The following KIRREL1 variants were observed in gnomAD, a reference collection of about 807,000 sequenced individuals.
KIRREL1 encodes the protein kin of IRRE-like protein 1.
Under a neutral mutation model 83.3 loss-of-function variants are expected in KIRREL1, and 25 were observed. The observed-to-expected ratio is 0.30, with a 90% confidence interval of 0.22 to 0.42. The LOEUF (loss-of-function observed/expected upper bound fraction) is 0.42, where lower values mean the gene tolerates loss of function less well. Ranked by LOEUF, KIRREL1 falls within the 10% of genes least tolerant of loss-of-function variation. KIRREL1 has a pLI of 1.00. For synonymous variants in KIRREL1, 388 were observed against 410.4 expected, an observed-to-expected ratio of 0.95 and a Z score of 0.66; for missense variants, 812 against 1,032.3, an observed-to-expected ratio of 0.79 and a Z score of 2.92.
intron 1 of KIRREL1, among the ~76,000 whole-genome samples, chr1:158,073,028 G>A (rs575362062): frequency 2.0e-4 from 31 of 152,268 alleles, no homozygotes; most frequent in African/African-American, 7.2e-4. Context: ...CTTGGTGAAG[G>A]GAGACTTGGG....
chr1:158,048,431 A>T (rs1344164844), intron 1 of KIRREL1, among the ~76,000 whole-genome samples: 2 of 152,188 alleles, frequency 1.3e-5, no homozygotes, highest in African/African-American at 2.4e-5. Context: ...GAAGGAAAGG[A>T]GGAGAGAAAC....
chr1:158,058,567 G>A (rs916192404), intron 1 of KIRREL1, among the ~76,000 whole-genome samples: 13 of 152,102 alleles, frequency 8.5e-5, no homozygotes, highest in Admixed American at 7.9e-4. Context: ...TCTCACCCAG[G>A]GTTAGGAATT....
chr1:158,029,450 ATAT>A (rs1028846070), intron 1 of KIRREL1, among the ~76,000 whole-genome samples: 7 of 152,126 alleles, frequency 4.6e-5, no homozygotes, highest in African/African-American at 1.4e-4. Flanking sequence ...TAATTTTAAA[ATAT>A]TATTCTTCAG....
chr1:158,044,547 G>A (rs1660722794), intron 1 of KIRREL1, among the ~76,000 whole-genome samples: 3 of 152,172 alleles, frequency 2.0e-5, no homozygotes, highest in Non-Finnish European at 4.4e-5. Flanking sequence ...CACCCAGGCT[G>A]GAGTGCAGTG....
rs145575732 is a variant in KIRREL1 at position 158,095,642 on chromosome 1, G to A, written c.*522G>A. 2.0e-5 allele frequency: 3 copies of A among 153,210 alleles called. No homozygotes were observed. Among genetic ancestry groups the A allele is most frequent in the Non-Finnish European group, 4.4e-5 (3 of 68,930 alleles). 9.5% of individuals were successfully genotyped at this position (153,210 alleles called of 1,614,324 possible). A position where few individuals can be genotyped will look rare whatever the true frequency, so the allele number is the denominator to read the frequency against. On this transcript the variant is annotated 3_prime_UTR_variant, in exon 15 of 15. Transcript: ENST00000359209. Reference sequence around the variant, plus strand: ...TCCTTCCTCAGGGTACTGCAGAAGGGAGCGAACAGGGTACTGTTCGCTCTT... The same window carrying A: ...TCCTTCCTCAGGGTACTGCAGAAGGAAGCGAACAGGGTACTGTTCGCTCTT...
At chr1:158,021,819 C>T (rs1660010586) in intron 1 of KIRREL1, among the ~76,000 whole-genome samples, 1 of 152,084 alleles carries the variant, frequency 6.6e-6, no homozygotes, top group African/African-American at 2.4e-5. Flanking sequence ...AAAATTGTGC[C>T]TATACTTATC....
intron 2 of KIRREL1, 95 bp from the exon 3 acceptor site, chr1:158,077,896 G>A (rs1661730152): frequency 2.2e-6 from 3 of 1,392,678 alleles, no homozygotes; most frequent in African/African-American, 2.8e-5. Context: ...TGTCAGTGGT[G>A]TCCCAGGAGA....
intron 1 of KIRREL1, among the ~76,000 whole-genome samples, chr1:157,995,474 G>A (rs1659167355): frequency 6.6e-6 from 1 of 152,008 alleles, no homozygotes; most frequent in African/African-American, 2.4e-5. Context: ...GAGGAAGGGG[G>A]TGGGCCATGG....
At chr1:158,006,776 C>T (rs2777819) in intron 1 of KIRREL1, among the ~76,000 whole-genome samples, 56,462 of 152,154 alleles carry the variant, frequency 0.37, 11,200 homozygotes, top group South Asian at 0.53. Flanking sequence ...CCTCTCTCCA[C>T]GGGAGCCAGG....
chr1:158,083,471 G>C (rs953951468), intron 3 of KIRREL1, among the ~76,000 whole-genome samples: 1 of 152,240 alleles, frequency 6.6e-6, no homozygotes. Context: ...CATATGGAAA[G>C]CACTGCAATG....
chr1:158,013,931 A>T (rs1659755172), intron 1 of KIRREL1, among the ~76,000 whole-genome samples: 1 of 152,144 alleles, frequency 6.6e-6, no homozygotes, highest in Non-Finnish European at 1.5e-5. Context: ...TGCTCCTGGG[A>T]CTGTCAGCAG....
intron 11 of KIRREL1, among the ~76,000 whole-genome samples, chr1:158,091,871 A>G (rs982279872): frequency 6.6e-6 from 1 of 152,334 alleles, no homozygotes; most frequent in Non-Finnish European, 1.5e-5. Context: ...AGCATTTGCT[A>G]TGTGCCAGGC....
At chr1:158,083,010 C>G (rs755520413) in intron 3 of KIRREL1, among the ~76,000 whole-genome samples, 5 of 152,142 alleles carry the variant, frequency 3.3e-5, no homozygotes, top group Non-Finnish European at 5.9e-5. Context: ...TATCCCTGAG[C>G]ACCTGTGATC....
At chr1:158,036,308 T>C (rs1269498988) in intron 1 of KIRREL1, among the ~76,000 whole-genome samples, 1 of 152,188 alleles carries the variant, frequency 6.6e-6, no homozygotes, top group Non-Finnish European at 1.5e-5. Flanking sequence ...GCAACGAACT[T>C]GTAGCACCAA....
At chr1:158,057,673 G>A (rs1478214382) in intron 1 of KIRREL1, among the ~76,000 whole-genome samples, 1 of 152,186 alleles carries the variant, frequency 6.6e-6, no homozygotes, top group African/African-American at 2.4e-5. Context: ...CCACTCAAAA[G>A]GCAGTTGCTC....
chr1:158,042,214 T>C (rs1450203113), intron 1 of KIRREL1, among the ~76,000 whole-genome samples: 1 of 22,460 alleles, frequency 4.5e-5, no homozygotes, highest in Admixed American at 6.9e-4. Flanking sequence ...TTCTCCAGGG[T>C]GTGTGTGTGT....
At chr1:158,062,480 G>T (rs945354674) in intron 1 of KIRREL1, among the ~76,000 whole-genome samples, 1 of 152,208 alleles carries the variant, frequency 6.6e-6, no homozygotes, top group Non-Finnish European at 1.5e-5. Context: ...TTTACTTTAC[G>T]CAGAATTGAT....
Position 158,093,427 on chromosome 1 carries a change from C to G in KIRREL1, c.1560C>G (p.Leu520=). Residue 520 remains leucine, a synonymous_variant, in exon 12 of 15, where the codon CTC becomes CTG. Coordinates refer to ENST00000359209, the MANE Select transcript of KIRREL1 (RefSeq NM_018240.7). ...IFFFIALVFF[L]YRRRKGSRKD... ...TCTTCATCGCCTTGGTATTCTTCCT[C>G]TACCGGCGCCGCAAAGGCAGTGAGT... 1.2e-6 allele frequency: 2 copies of G among 1,614,200 alleles called. No homozygotes were observed. Among genetic ancestry groups the G allele is most frequent in the Non-Finnish European group, 1.7e-6 (2 of 1,180,026 alleles).
intron 1 of KIRREL1, among the ~76,000 whole-genome samples, chr1:157,996,277 C>T (rs1359415449): frequency 6.6e-6 from 1 of 152,072 alleles, no homozygotes; most frequent in Non-Finnish European, 1.5e-5. Flanking sequence ...ATCCTTCCCC[C>T]CGTTTCCATC....
Sources: gnomAD v4.1 joint callset for allele counts (sites outside exome capture counted in the v4.1 genomes callset) on GRCh38, gnomAD v4.1.1 for gene constraint, MANE v1.5 for transcripts, NCBI Gene and HGNC (gene_info 2026-07-23, HGNC 2026-07-21) for gene names.